DUXA: variants seen among roughly 807,000 people sequenced by gnomAD.
DUXA encodes double homeobox protein A.
Under a neutral mutation model 27.5 loss-of-function variants are expected in DUXA, and 25 were observed. The ratio of observed to expected loss-of-function variants is 0.91; its 90% CI spans 0.66 to 1.27. The LOEUF (loss-of-function observed/expected upper bound fraction) is 1.27. Ranked by LOEUF, DUXA falls within the 50% of genes most tolerant of loss-of-function variation. The probability of loss-of-function intolerance (pLI) is 0.00; values close to 1 mark genes in which losing one functional copy is unlikely to be tolerated. For synonymous variants in DUXA, 90 were observed against 80.5 expected (o/e 1.12, Z -0.63); for missense variants, 247 against 242.9 (o/e 1.02, Z -0.11).
rs369304573 is a variant in DUXA, at chr19:57,155,242, A to G, written c.544+25T>C. 6.9e-6 allele frequency: 11 copies of G among 1,604,816 alleles called. No individual in the cohort carries two copies. The African/African-American group carries it at 1.1e-4, about 16-fold the overall frequency. ...CATCCAAGGGCTCCGCTTGTGAACC[A>G]CATTGGAAACAACAGGCTAGTTACC... On this transcript the variant is annotated intron_variant, in intron 5 of 5. Transcript: ENST00000554048.
chr19:57,163,447 CTTT>C (rs11463065), intron 1 of DUXA, among the ~76,000 whole-genome samples: 24 of 148,828 alleles, frequency 1.6e-4, no homozygotes, highest in Non-Finnish European at 2.2e-4. Flanking sequence ...CATCCTCTCT[CTTT>C]TTTTTTTCTT....
At chr19:57,166,435 G>A (rs1043152016) in intron 1 of DUXA, among the ~76,000 whole-genome samples, 16 of 151,954 alleles carry the variant, frequency 1.1e-4, no homozygotes, top group Admixed American at 3.9e-4. Context: ...TCAGCCTCCC[G>A]AGTAGCTGGG....
intron 1 of DUXA, among the ~76,000 whole-genome samples, chr19:57,165,324 A>AATAT (rs74179420): frequency 2.3e-3 from 205 of 89,222 alleles, no homozygotes; most frequent in African/African-American, 6.3e-3. Context: ...AAAAAAAAAA[A>AATAT]ATATATATAT....
At position 57,154,764 on chromosome 19, in the gene DUXA, C is replaced by G. The variant is rs373090488; in HGVS notation, c.545-282G>C. On this transcript the variant is annotated intron_variant, in intron 5 of 5. Transcript: ENST00000554048. The stretch of plus-strand genomic sequence containing the variant: ...ATTTTTAGTAGAGACGGGGTTTCAC[C>G]GTGTTAGCCAGGATGGTCTCGATCT... 1.4e-3 allele frequency among the ~76,000 whole-genome samples: 220 copies of G among 152,074 alleles called. 2 individuals are homozygous for G. Among genetic ancestry groups the G allele is most frequent in the African/African-American group, 4.8e-3 (201 of 41,516 alleles).
At position 57,154,322 on chromosome 19, in the gene DUXA, A is replaced by T; in HGVS notation, c.*90T>A. On this transcript the variant is annotated 3_prime_UTR_variant, in exon 6 of 6. Coordinates refer to ENST00000554048, the MANE Select transcript of DUXA (RefSeq NM_001012729.2). The stretch of plus-strand genomic sequence containing the variant: ...ACCATCTTCAGAAGGCTTAGCTTGC[A>T]GTTTCAGCAGAAGGATAGACTCCCA... 1 of 1,224,988 alleles carries T rather than the reference A, an allele frequency of 8.2e-7. No individual in the cohort carries two copies. The highest frequency in any genetic ancestry group is 1.2e-5 in the South Asian group (1 of 80,116). 75.9% of individuals were successfully genotyped at this position (1,224,988 alleles called of 1,614,324 possible).
chr19:57,165,760 G>T (rs1016306019), intron 1 of DUXA, among the ~76,000 whole-genome samples: 3 of 139,218 alleles, frequency 2.2e-5, no homozygotes, highest in African/African-American at 8.0e-5. Context: ...AGCCGAGATC[G>T]CGCCACTGCA....
At position 57,160,747 on chromosome 19, in the gene DUXA, G is replaced by C. The variant is rs144329847; in HGVS notation, c.76C>G (p.Gln26Glu). Residue 26 changes from glutamine (Q) to glutamate (E), a missense_variant, in exon 2 of 6, where the codon CAG (glutamine) becomes GAG (glutamate). Transcript: ENST00000554048. ...AAGGTATTGATGAGGATTTTCAACT[G>C]TTCTTCTGTGAATTTTGTGCGACAG... ...RRCRTKFTEE[Q>E]LKILINTFNQ... is the part of the protein sequence containing the mutation. 1.4e-5 allele frequency: 22 copies of C among 1,614,166 alleles called. No individual in the cohort carries two copies. Among genetic ancestry groups the C allele is most frequent in the Admixed American group, 1.2e-4 (7 of 60,022 alleles).
chr19:57,157,833 A>G (rs1344760441), intron 4 of DUXA, among the ~76,000 whole-genome samples: 1 of 152,026 alleles, frequency 6.6e-6, no homozygotes, highest in Non-Finnish European at 1.5e-5. Context: ...TCTACTAAAA[A>G]TACAAAAAAT....
rs767451580 is a variant in DUXA, at chr19:57,156,527, G to A, written c.439-1155C>T. Reference sequence around the variant, plus strand: ...AGTGATGCTCCTGCCTCAGCCTCTCGCGTAACTGGGACCACAGCCATGTGC... The same window carrying A: ...AGTGATGCTCCTGCCTCAGCCTCTCACGTAACTGGGACCACAGCCATGTGC... On this transcript the variant is annotated intron_variant, in intron 4 of 5. Transcript: ENST00000554048. 5.6e-4 allele frequency among the ~76,000 whole-genome samples: 85 copies of A among 152,026 alleles called. 1 individual carries two copies. The highest frequency in any genetic ancestry group is 6.2e-4 in the South Asian group (3 of 4,812).
chr19:57,161,900 T>A, intron 1 of DUXA, among the ~76,000 whole-genome samples: 1 of 152,056 alleles, frequency 6.6e-6, no homozygotes. Context: ...TTATTATTTT[T>A]ATTTTTTCAG....
chr19:57,158,196 C>A, intron 4 of DUXA, 132 bp downstream of exon 4: 1 of 1,031,000 alleles, frequency 9.7e-7, no homozygotes, highest in East Asian at 2.4e-5. Flanking sequence ...TAGAAGCCAG[C>A]AGACAGGGAA....
At chr19:57,155,235 G>A in intron 5 of DUXA, 32 bp downstream of exon 5, 1 of 1,598,252 alleles carries the variant, frequency 6.3e-7, no homozygotes, top group Non-Finnish European at 8.6e-7. Flanking sequence ...GGCTCCGCTT[G>A]TGAACCACAT....
chr19:57,156,672 TTTTTA>T (rs1369158979), intron 4 of DUXA, among the ~76,000 whole-genome samples: 2 of 152,212 alleles, frequency 1.3e-5, no homozygotes, highest in Non-Finnish European at 2.9e-5. Flanking sequence ...GCCACAACTC[TTTTTA>T]TTTTGAGACA....
rs766846773 is a variant in DUXA, at chr19:57,154,378, T to G, written c.*34A>C. The G allele has an allele frequency of 6.3e-7, 1 of 1,592,200 alleles. No individual in the cohort carries two copies. The highest frequency in any genetic ancestry group is 1.7e-5 in the Admixed American group (1 of 59,874). On this transcript the variant is annotated 3_prime_UTR_variant, in exon 6 of 6. Coordinates refer to ENST00000554048, the MANE Select transcript of DUXA (RefSeq NM_001012729.2). The stretch of plus-strand genomic sequence containing the variant: ...ACCGTGAGACAGATTTGGGGTCCAG[T>G]TGATATTATCAAGTACACTGAATTT...
chr19:57,161,496 A>T lies in DUXA; in HGVS notation c.26-699T>A, dbSNP rs191880239. On this transcript the variant is annotated intron_variant, in intron 1 of 5. Coordinates refer to ENST00000554048, the MANE Select transcript of DUXA (RefSeq NM_001012729.2). ...AAATTAGCCGGGCGCAGTGGCGGGCACCTGTAGTCCCAGCTACTCCGGAGG... is the reference window on the plus strand; with the variant it reads ...AAATTAGCCGGGCGCAGTGGCGGGCTCCTGTAGTCCCAGCTACTCCGGAGG... 5.1e-3 allele frequency among the ~76,000 whole-genome samples: 703 copies of T among 137,424 alleles called. 32 individuals are homozygous for T. Among genetic ancestry groups the T allele is most frequent in the African/African-American group, 0.02 (671 of 33,690 alleles). 90.2% of individuals were successfully genotyped at this position (137,424 alleles called of 152,430 possible). A position where few individuals can be genotyped will look rare whatever the true frequency, so the allele number is the denominator to read the frequency against.
chr19:57,157,587 T>G (rs543968572), intron 4 of DUXA, among the ~76,000 whole-genome samples: 32 of 152,068 alleles, frequency 2.1e-4, no homozygotes, highest in African/African-American at 7.5e-4. Context: ...CACCTCAGCC[T>G]CCCAAAGTGC....
intron 1 of DUXA, among the ~76,000 whole-genome samples, chr19:57,163,180 C>T (rs141078549): frequency 9.9e-5 from 15 of 152,214 alleles, no homozygotes; most frequent in Non-Finnish European, 1.3e-4. Context: ...GCTCTTCACA[C>T]GATGATGGAT....
intron 1 of DUXA, among the ~76,000 whole-genome samples, chr19:57,165,309 G>GAAA (rs71186231): frequency 1.5e-4 from 17 of 116,406 alleles, no homozygotes; most frequent in African/African-American, 5.1e-4. Flanking sequence ...TCTGGAGTAG[G>GAAA]AAAAAAAAAA....
At chr19:57,166,588 G>C (rs905536969) in intron 1 of DUXA, among the ~76,000 whole-genome samples, 1 of 152,182 alleles carries the variant, frequency 6.6e-6, no homozygotes, top group African/African-American at 2.4e-5. Context: ...GATTACAGGC[G>C]TGAGCCACGG....
Sources: gnomAD v4.1 joint callset for allele counts (sites outside exome capture counted in the v4.1 genomes callset) on GRCh38, gnomAD v4.1.1 for gene constraint, MANE v1.5 for transcripts, NCBI Gene and HGNC (gene_info 2026-07-23, HGNC 2026-07-21) for gene names.